PDS5B: variants seen among roughly 807,000 people sequenced by gnomAD.
PDS5B encodes the protein PDS5 cohesin associated factor B.
PDS5B carries 51 observed loss-of-function variants against 184.1 expected under a neutral mutation model. The ratio of observed to expected loss-of-function variants is 0.28; its 90% CI spans 0.22 to 0.35. The LOEUF (loss-of-function observed/expected upper bound fraction) is 0.35. Among genes scored for constraint, PDS5B ranks in the 10% least tolerant of loss-of-function variants. The pLI is 1.00. For missense variants in PDS5B, 1,180 were observed against 1,723.3 expected (o/e 0.68, Z 5.58); for synonymous variants, 566 against 569.2 (o/e 0.99, Z 0.08).
chr13:32,678,737 T>G (rs888570958), intron 9 of PDS5B, 98 bp from the exon 10 acceptor site: 65 of 720,848 alleles, frequency 9.0e-5, no homozygotes, highest in Admixed American at 1.5e-4. Context: ...TCATAAACTG[T>G]TTTTTCTTTA....
intron 1 of PDS5B, among the ~76,000 whole-genome samples, chr13:32,636,429 C>T (rs185909967): frequency 2.6e-5 from 4 of 152,220 alleles, no homozygotes; most frequent in Admixed American, 2.6e-4. Flanking sequence ...TGTAAATTTC[C>T]TCATGGAGCT....
rs566382418 is a variant in PDS5B, at chr13:32,621,480, G to A, written c.-19-27274G>A. Among the ~76,000 whole-genome samples the A allele has an allele frequency of 2.0e-5, 3 of 152,172 alleles. No homozygotes were observed. The South Asian group carries it at 6.2e-4, about 32-fold the overall frequency. On this transcript the variant is annotated intron_variant, in intron 1 of 34. Transcript: ENST00000315596. ...AGACCCTGTCTCAAAAAAAAGAGGAGAAGGTGGAAAGTATTCTCTTTGTTT... is the reference window on the plus strand; with the variant it reads ...AGACCCTGTCTCAAAAAAAAGAGGAAAAGGTGGAAAGTATTCTCTTTGTTT...
At chr13:32,666,413 A>G (rs1025911506) in intron 6 of PDS5B, among the ~76,000 whole-genome samples, 3 of 152,138 alleles carry the variant, frequency 2.0e-5, no homozygotes, top group Admixed American at 6.5e-5. Context: ...TAGGGAAATT[A>G]TAGTTAACAA....
Position 32,648,736 on chromosome 13 carries a change from A to G in PDS5B, c.-19-18A>G, listed in dbSNP as rs1566282384. 1.1e-6 allele frequency: 1 copy of G among 948,198 alleles called. No individual in the cohort carries two copies. Among genetic ancestry groups the G allele is most frequent in the South Asian group, 1.3e-5 (1 of 76,322 alleles). 58.7% of individuals were successfully genotyped at this position (948,198 alleles called of 1,614,324 possible). A position where few individuals can be genotyped will look rare whatever the true frequency, so the allele number is the denominator to read the frequency against. ...ATATCTATTTTTTGGTTTGCATCTAATAGTTTTCTTGTTTCAGGGGTAGAA... is the reference window on the plus strand; with the variant it reads ...ATATCTATTTTTTGGTTTGCATCTAGTAGTTTTCTTGTTTCAGGGGTAGAA... On this transcript the variant is annotated intron_variant, in intron 1 of 34. Transcript: ENST00000315596.
chr13:32,732,625 T>G (rs954822768), intron 20 of PDS5B, among the ~76,000 whole-genome samples: 4 of 152,124 alleles, frequency 2.6e-5, no homozygotes, highest in Non-Finnish European at 5.9e-5. Flanking sequence ...CAGTACTAAT[T>G]GTTAATATAA....
At chr13:32,716,032 G>T in intron 19 of PDS5B, among the ~76,000 whole-genome samples, 1 of 132,234 alleles carries the variant, frequency 7.6e-6, no homozygotes, top group Non-Finnish European at 1.6e-5. Flanking sequence ...CCAGCCGCCT[G>T]CCTTGGCCTC....
In PDS5B at chr13:32,770,131, A is replaced by C. The variant is rs759508637; in HGVS notation, c.3635A>C (p.Glu1212Ala). 6.3e-7 allele frequency: 1 copy of C among 1,599,808 alleles called. No individual in the cohort carries two copies. The highest frequency in any genetic ancestry group is 8.5e-7 in the Non-Finnish European group (1 of 1,175,474). ...TTTTTTTTCCCCTAGTCTGAATTGGAGAAGCCTAGAGGCAGGAAAAAAACG... is the reference window on the plus strand; with the variant it reads ...TTTTTTTTCCCCTAGTCTGAATTGGCGAAGCCTAGAGGCAGGAAAAAAACG... ...DDSDLVRSEL[E>A]KPRGRKKTPV... Residue 1212 changes from glutamate (E) to alanine (A), a missense_variant, in exon 32 of 35, where the codon GAG becomes GCG. Transcript: ENST00000315596.
intron 9 of PDS5B, among the ~76,000 whole-genome samples, chr13:32,676,242 A>G (rs1951060020): frequency 6.6e-6 from 1 of 152,202 alleles, no homozygotes. Context: ...ATTAATTCCA[A>G]CTGAAAATAC....
intron 10 of PDS5B, among the ~76,000 whole-genome samples, chr13:32,680,190 T>C (rs967389036): frequency 6.6e-6 from 1 of 152,124 alleles, no homozygotes; most frequent in Non-Finnish European, 1.5e-5. Context: ...GTGGGGGGGC[T>C]AAATCAAAAG....
At chr13:32,679,393 C>T (rs1212010781) in intron 10 of PDS5B, among the ~76,000 whole-genome samples, 5 of 152,090 alleles carry the variant, frequency 3.3e-5, no homozygotes, top group African/African-American at 2.4e-5. Flanking sequence ...AGCTTCAGGC[C>T]GAGCACAGGC....
intron 1 of PDS5B, among the ~76,000 whole-genome samples, chr13:32,627,543 C>CT (rs977338618): frequency 7.5e-4 from 114 of 151,872 alleles, no homozygotes; most frequent in African/African-American, 2.6e-3. Flanking sequence ...AAAGAAATAT[C>CT]TTTTTTCTAG....
At chr13:32,623,803 T>G (rs888698836) in intron 1 of PDS5B, among the ~76,000 whole-genome samples, 1 of 152,032 alleles carries the variant, frequency 6.6e-6, no homozygotes. Context: ...GTTTATAATC[T>G]ATTCCTTTTT....
At chr13:32,660,412 G>T (rs1368827376) in intron 6 of PDS5B, among the ~76,000 whole-genome samples, 8 of 152,216 alleles carry the variant, frequency 5.3e-5, no homozygotes, top group African/African-American at 1.7e-4. Context: ...TCTACTGCCT[G>T]TGTGCTCAGG....
At chr13:32,588,370 AT>A (rs2057723900) in intron 1 of PDS5B, among the ~76,000 whole-genome samples, 1 of 152,244 alleles carries the variant, frequency 6.6e-6, no homozygotes, top group African/African-American at 2.4e-5. Context: ...TATAAATAAA[AT>A]TTGTACTTAA....
Position 32,735,183 on chromosome 13 carries a change from G to C in PDS5B, c.2259G>C (p.Lys753Asn), listed in dbSNP as rs751646556. Residue 753 changes from lysine to asparagine, a missense_variant, in exon 21 of 35, where the codon AAG becomes AAC. Transcript: ENST00000315596. ...QFAQIFEPLH[K>N]SLDPSNLEHL... is the part of the protein sequence containing the mutation. ...CCCCTCATTTTCAGCCTCTGCATAA[G>C]AGCCTAGATCCAAGCAACCTGGAAC... 6.3e-7 allele frequency: 1 copy of C among 1,586,472 alleles called. No homozygotes were observed. The highest frequency in any genetic ancestry group is 8.6e-7 in the Non-Finnish European group (1 of 1,167,226).
At chr13:32,626,778 A>G (rs1194254841) in intron 1 of PDS5B, among the ~76,000 whole-genome samples, 1 of 152,240 alleles carries the variant, frequency 6.6e-6, no homozygotes, top group Admixed American at 6.5e-5. Context: ...TGGAGCCAAA[A>G]TAGAATACAT....
chr13:32,687,053 A>G (rs1218215183), intron 11 of PDS5B, 81 bp from the exon 12 acceptor site: 1 of 1,122,100 alleles, frequency 8.9e-7, no homozygotes, highest in Admixed American at 2.6e-5. Context: ...GAAGGAAAAC[A>G]CAAAACTAGG....
intron 13 of PDS5B, among the ~76,000 whole-genome samples, chr13:32,693,471 TTA>T (rs1184311213): frequency 1.3e-5 from 2 of 151,814 alleles, no homozygotes; most frequent in Non-Finnish European, 3.0e-5. Flanking sequence ...AAAGAGTTTC[TTA>T]TATGCCTCTG....
chr13:32,769,059 C>T (rs1202142235), intron 31 of PDS5B, among the ~76,000 whole-genome samples: 1 of 147,762 alleles, frequency 6.8e-6, no homozygotes, highest in African/African-American at 2.5e-5. Context: ...GGAGGCGGAG[C>T]TTGCAGTGAG....
Sources: allele counts gnomAD v4.1 joint callset (sites outside exome capture counted in the v4.1 genomes callset), GRCh38; gene constraint gnomAD v4.1.1; transcripts MANE v1.5; gene names NCBI Gene and HGNC (gene_info 2026-07-23, HGNC 2026-07-21).